The following SELP variants were observed in gnomAD, a reference collection of about 807,000 sequenced individuals.
SELP encodes the protein P-selectin.
Under a neutral mutation model 104.1 loss-of-function variants are expected in SELP, and 92 were observed. That is an observed-to-expected ratio of 0.88 (90% CI 0.75 to 1.05). The LOEUF (loss-of-function observed/expected upper bound fraction) is 1.05. Among genes scored for constraint, SELP ranks in the 50% least tolerant of loss-of-function variants. SELP has a pLI of 0.00. For synonymous variants in SELP, 397 were observed against 364.5 expected (o/e 1.09, Z -1.01); for missense variants, 1,022 against 1,017.3 (o/e 1.00, Z -0.06).
intron 2 of SELP, among the ~76,000 whole-genome samples, chr1:169,618,246 G>T (rs917816672): frequency 6.6e-6 from 1 of 152,110 alleles, no homozygotes; most frequent in African/African-American, 2.4e-5. Context: ...GCAGAACCCG[G>T]GTGGGAAATC....
At chr1:169,628,867 G>C (rs1378473981) in intron 1 of SELP, among the ~76,000 whole-genome samples, 1 of 152,116 alleles carries the variant, frequency 6.6e-6, no homozygotes, top group Non-Finnish European at 1.5e-5. Context: ...CTTAAGACAG[G>C]CTCAAACTCC....
At chr1:169,590,479 GAC>G (rs1242502650) in intron 15 of SELP, among the ~76,000 whole-genome samples, 2 of 152,316 alleles carry the variant, frequency 1.3e-5, no homozygotes, top group Non-Finnish European at 2.9e-5. Flanking sequence ...TCTTCTAGGT[GAC>G]AAGAGGTAGT....
Position 169,618,431 on chromosome 1 carries a change from G to A in SELP, c.94+698C>T, listed in dbSNP as rs367589003. On this transcript the variant is annotated intron_variant, in intron 2 of 16. Transcript: ENST00000263686. ...GAACTAAAGAATGTGCGTTTCAAAAGTATAAAGGTACTACAGCACTCTTAT... is the reference window on the plus strand; with the variant it reads ...GAACTAAAGAATGTGCGTTTCAAAAATATAAAGGTACTACAGCACTCTTAT... 3.3e-4 allele frequency among the ~76,000 whole-genome samples: 50 copies of A among 152,328 alleles called. 1 individual carries two copies. In the South Asian group the frequency reaches 9.9e-3, roughly 30 times the overall value.
chr1:169,593,618 A>G lies in SELP; in HGVS notation c.2394T>C (p.Arg798=). ...TTTCCTATTTACCTTTTTGTCTGAAACGCTTTCTTAGCAAAGCCAGGAGCG... is the reference window on the plus strand; with the variant it reads ...TTTCCTATTTACCTTTTTGTCTGAAGCGCTTTCTTAGCAAAGCCAGGAGCG... ...GGTLLALLRK[R]FRQKDDGKCP... is the part of the protein sequence containing the mutation. Residue 798 remains arginine (R), a synonymous_variant, in exon 14 of 17, where the codon CGT becomes CGC. Coordinates refer to ENST00000263686, the MANE Select transcript of SELP (RefSeq NM_003005.4). The G allele has an allele frequency of 6.2e-7, 1 of 1,612,906 alleles. No homozygotes were observed.
At chr1:169,610,936 G>A (rs1249575770) in intron 7 of SELP, among the ~76,000 whole-genome samples, 1 of 152,122 alleles carries the variant, frequency 6.6e-6, no homozygotes, top group Non-Finnish European at 1.5e-5. Flanking sequence ...AGCAGGGTTG[G>A]GCTTGTCATC....
At chr1:169,603,913 C>A (rs1288944953) in intron 9 of SELP, among the ~76,000 whole-genome samples, 2 of 152,184 alleles carry the variant, frequency 1.3e-5, no homozygotes, top group Admixed American at 6.6e-5. Flanking sequence ...ATAAACATAC[C>A]TGTGCATGTG....
intron 9 of SELP, among the ~76,000 whole-genome samples, chr1:169,603,831 T>G (rs1662045103): frequency 6.6e-6 from 1 of 152,242 alleles, no homozygotes. Flanking sequence ...GTGCCACATT[T>G]TCTTAATCCA....
Position 169,623,496 on chromosome 1 carries a change from T to G in SELP, c.4-4277A>C, listed in dbSNP as rs193159188. 4.6e-5 allele frequency among the ~76,000 whole-genome samples: 7 copies of G among 152,352 alleles called. No homozygotes were observed. In the East Asian group the frequency reaches 1.3e-3, roughly 29 times the overall value. On this transcript the variant is annotated intron_variant, in intron 1 of 16. Transcript: ENST00000263686. ...GTTTGTTTGTTTGTTTGAACTTTTTTTAAGCAAAATTTCATCAGCAAATTC... is the reference window on the plus strand; with the variant it reads ...GTTTGTTTGTTTGTTTGAACTTTTTGTAAGCAAAATTTCATCAGCAAATTC...
chr1:169,590,287 A>T, intron 15 of SELP, 85 bp from the exon 16 acceptor site: 1 of 947,700 alleles, frequency 1.1e-6, no homozygotes, highest in Non-Finnish European at 1.7e-6. Flanking sequence ...TCCAGAAACC[A>T]CAAATTACCA....
intron 1 of SELP, among the ~76,000 whole-genome samples, chr1:169,623,075 G>A (rs1308493107): frequency 6.6e-6 from 1 of 152,178 alleles, no homozygotes; most frequent in Non-Finnish European, 1.5e-5. Flanking sequence ...AGGTAACATA[G>A]TGTTCCAGGA....
At chr1:169,629,947 C>G (rs549741045) in intron 1 of SELP, 125 bp downstream of exon 1, 1 of 1,216,980 alleles carries the variant, frequency 8.2e-7, no homozygotes, top group East Asian at 2.3e-5. Flanking sequence ...ATCTAATAGG[C>G]AATTCAACAT....
intron 9 of SELP, among the ~76,000 whole-genome samples, chr1:169,606,666 C>T (rs909281889): frequency 6.6e-6 from 1 of 152,082 alleles, no homozygotes; most frequent in Non-Finnish European, 1.5e-5. Context: ...TGGTTTGTGG[C>T]AGGAGCCTTC....
At chr1:169,591,226 A>G (rs1661340922) in intron 15 of SELP, among the ~76,000 whole-genome samples, 200 bp downstream of exon 15, 1 of 152,152 alleles carries the variant, frequency 6.6e-6, no homozygotes, top group Non-Finnish European at 1.5e-5. Flanking sequence ...ATTATAAATT[A>G]CTTTTCATTT....
chr1:169,600,652 G>T (rs1048053441), intron 10 of SELP, among the ~76,000 whole-genome samples: 1 of 152,140 alleles, frequency 6.6e-6, no homozygotes, highest in African/African-American at 2.4e-5. Flanking sequence ...TTACTTGGAG[G>T]CCCCTGAGTC....
chr1:169,611,524 C>T lies in SELP; in HGVS notation c.1115G>A (p.Gly372Glu), dbSNP rs765848859. Reference protein sequence around the residue: ...GLDMLRCIDSGHWSAPLPTCE... With the variant: ...GLDMLRCIDSEHWSAPLPTCE... ...GGTTGGCAAGGGTGCAGACCAGTGT[C>T]CAGAGTCAATGCAGCGGAGCATGTC... Residue 372 changes from glycine to glutamate, a missense_variant, in exon 7 of 17, where the codon GGA (glycine) becomes GAA (glutamate). Physicochemically the swap from Gly to Glu is moderately conservative, Grantham distance 98. Transcript: ENST00000263686. 6.2e-7 allele frequency: 1 copy of T among 1,614,034 alleles called. No homozygotes were observed. The highest frequency in any genetic ancestry group is 1.1e-5 in the South Asian group (1 of 91,078).
intron 12 of SELP, 139 bp downstream of exon 12, chr1:169,595,786 A>G: frequency 1.4e-6 from 1 of 726,292 alleles, no homozygotes; most frequent in Non-Finnish European, 2.4e-6. Flanking sequence ...TTCTAATGGG[A>G]TTGGTGTGGA....
Position 169,613,074 on chromosome 1 carries a change from G to A in SELP, c.630C>T (p.Leu210=). 1 of 1,613,148 alleles carries A rather than the reference G, an allele frequency of 6.2e-7. No homozygotes were observed. The highest frequency in any genetic ancestry group is 8.5e-7 in the Non-Finnish European group (1 of 1,179,430). ...CGELELPQHV[L]MNCSHPLGNF... The stretch of plus-strand genomic sequence containing the variant: ...TTCCCAGAGGGTGGCTGCAGTTCAT[G>A]AGCACGTGTTGAGGGAGCTCAAGTT... The change falls in exon 5 of 17, where the codon CTC becomes CTT. Residue 210 remains leucine (L), a synonymous_variant. Coordinates refer to ENST00000263686, the MANE Select transcript of SELP (RefSeq NM_003005.4).
chr1:169,598,865 G>T (rs1258520965), intron 10 of SELP, among the ~76,000 whole-genome samples: 1 of 152,032 alleles, frequency 6.6e-6, no homozygotes, highest in Non-Finnish European at 1.5e-5. Context: ...ATTCTAAAAG[G>T]TATGCCTACC....
intron 10 of SELP, among the ~76,000 whole-genome samples, chr1:169,598,507 A>G (rs1164247214): frequency 6.6e-6 from 1 of 152,232 alleles, no homozygotes; most frequent in African/African-American, 2.4e-5. Flanking sequence ...AATAGCCAAA[A>G]TAACACAGTG....
Sources: allele counts gnomAD v4.1 joint callset (sites outside exome capture counted in the v4.1 genomes callset), GRCh38; gene constraint gnomAD v4.1.1; transcripts MANE v1.5; gene names NCBI Gene and HGNC (gene_info 2026-07-23, HGNC 2026-07-21).